Variants in TSEN2 observed in about 807,000 individuals in gnomAD.
The protein encoded by TSEN2 is tRNA splicing endonuclease subunit 2.
Under a neutral mutation model 59.2 loss-of-function variants are expected in TSEN2, and 54 were observed. That is an observed-to-expected ratio of 0.91 (90% confidence interval 0.73 to 1.14). The LOEUF is 1.14. Among genes scored for constraint, TSEN2 ranks in the 50% most tolerant of loss-of-function variants. The probability of loss-of-function intolerance (pLI) is 0.00; values close to 1 mark genes in which losing one functional copy is unlikely to be tolerated. For synonymous variants in TSEN2, 195 were observed against 198.2 expected (o/e 0.98, Z 0.14); for missense variants, 636 against 576.2 (o/e 1.10, Z -1.06).
chr3:12,536,672 G>T (rs1575491218), downstream of TSEN2, among the ~76,000 whole-genome samples: 1 of 152,024 alleles, frequency 6.6e-6, no homozygotes, highest in Non-Finnish European at 1.5e-5. Flanking sequence ...CCTTTATTAG[G>T]GGCAAAACCT....
chr3:12,505,831 T>C (rs2054766532), intron 6 of TSEN2, among the ~76,000 whole-genome samples: 1 of 149,086 alleles, frequency 6.7e-6, no homozygotes, highest in Non-Finnish European at 1.5e-5. Context: ...CTAGGTGTGA[T>C]GGCTTATGCC....
In TSEN2 at chr3:12,505,248, T is replaced by C. The variant is rs573682612; in HGVS notation, c.909+17T>C. 3.8e-4 allele frequency: 586 copies of C among 1,542,310 alleles called. 6 individuals are homozygous for C. In the South Asian group the frequency reaches 6.2e-3, roughly 16 times the overall value. On this transcript the variant is annotated intron_variant, in intron 6 of 11. Coordinates refer to ENST00000284995, the MANE Select transcript of TSEN2 (RefSeq NM_025265.4). Reference sequence around the variant, plus strand: ...CTAGAAGAGGTATGTTTTCAACATATTATTATTTCAGCCATCGGTCTCTGG... The same window carrying C: ...CTAGAAGAGGTATGTTTTCAACATACTATTATTTCAGCCATCGGTCTCTGG...
At chr3:12,519,238 A>C in intron 8 of TSEN2, 41 bp downstream of exon 8, 1 of 1,612,644 alleles carries the variant, frequency 6.2e-7, no homozygotes, top group South Asian at 1.1e-5. Flanking sequence ...AATAGAGTTT[A>C]TATCAGATTC....
intron 2 of TSEN2, 66 bp downstream of exon 2, chr3:12,490,055 C>A: frequency 1.4e-6 from 2 of 1,472,396 alleles, no homozygotes; most frequent in Non-Finnish European, 9.5e-7. Flanking sequence ...CTTTCCTTCT[C>A]CCCATCCCAG....
At chr3:12,488,679 G>A (rs1017666992) in intron 1 of TSEN2, among the ~76,000 whole-genome samples, 6 of 152,208 alleles carry the variant, frequency 3.9e-5, no homozygotes, top group African/African-American at 1.4e-4. Context: ...AGAGGGACAC[G>A]TACTGGCTTT....
chr3:12,500,746 G>A (rs1024551742), intron 4 of TSEN2, among the ~76,000 whole-genome samples: 1 of 152,196 alleles, frequency 6.6e-6, no homozygotes, highest in Non-Finnish European at 1.5e-5. Context: ...GGTAGGTGCA[G>A]TTATCCCTGG....
intron 1 of TSEN2, among the ~76,000 whole-genome samples, chr3:12,485,950 AAT>A (rs889468006): frequency 1.3e-5 from 2 of 150,242 alleles, no homozygotes; most frequent in Non-Finnish European, 2.9e-5. Flanking sequence ...GAAATTTAAA[AAT>A]ATATATATAT....
At chr3:12,496,493 A>G in intron 3 of TSEN2, 25 bp from the exon 4 acceptor site, 2 of 1,613,682 alleles carry the variant, frequency 1.2e-6, no homozygotes, top group Non-Finnish European at 1.7e-6. Flanking sequence ...ATTTGCCTGA[A>G]ACTAATAGAA....
In TSEN2 at chr3:12,533,414, G is replaced by C. The variant is rs2057582186; in HGVS notation, c.*693G>C. ...CCCATACCTATAATCCCAGCACTTG[G>C]GAGGCCTTGGGAGGCCAAGGCGCAT... is the stretch of plus-strand genomic sequence containing the variant. On this transcript the variant is annotated 3_prime_UTR_variant, in exon 12 of 12. Coordinates refer to ENST00000284995, the MANE Select transcript of TSEN2 (RefSeq NM_025265.4). 2 of 152,730 alleles carry C rather than the reference G, an allele frequency of 1.3e-5. No homozygotes were observed. The highest frequency in any genetic ancestry group is 2.9e-5 in the Non-Finnish European group (2 of 68,498). The allele number at this position is 152,730 out of a possible 1,614,324, so 9.5% of individuals were successfully genotyped here. A position where few individuals can be genotyped will look rare whatever the true frequency, so the allele number is the denominator to read the frequency against.
At chr3:12,537,823 G>A (rs2057710432), downstream of TSEN2, among the ~76,000 whole-genome samples, 1 of 152,168 alleles carries the variant, frequency 6.6e-6, no homozygotes, top group South Asian at 2.1e-4. Flanking sequence ...TGACAAGGAA[G>A]AATAAGTGTT....
intron 6 of TSEN2, among the ~76,000 whole-genome samples, chr3:12,507,905 A>G (rs1014564084): frequency 6.6e-5 from 10 of 152,216 alleles, no homozygotes; most frequent in Non-Finnish European, 1.3e-4. Context: ...ATGATAGCTG[A>G]GGATAGTAAA....
At chr3:12,491,283 T>C (rs2053188779) in intron 2 of TSEN2, among the ~76,000 whole-genome samples, 1 of 152,204 alleles carries the variant, frequency 6.6e-6, no homozygotes, top group Admixed American at 6.5e-5. Context: ...TGAGCCACCA[T>C]ACCTGGCCTC....
At chr3:12,523,839 C>T (rs1029499619) in intron 8 of TSEN2, among the ~76,000 whole-genome samples, 10 of 152,008 alleles carry the variant, frequency 6.6e-5, no homozygotes, top group Admixed American at 6.6e-5. Flanking sequence ...GGCATCCGGG[C>T]CTTTGATTCA....
intron 1 of TSEN2, among the ~76,000 whole-genome samples, chr3:12,488,283 G>A (rs1266093518): frequency 6.6e-6 from 1 of 152,182 alleles, no homozygotes; most frequent in African/African-American, 2.4e-5. Flanking sequence ...TCCCTTGTGA[G>A]GATTCGGAGT....
Position 12,531,616 on chromosome 3 carries a change from A to G in TSEN2, c.1295A>G (p.Lys432Arg), listed in dbSNP as rs1161971706. 2.5e-6 allele frequency: 4 copies of G among 1,613,474 alleles called. No homozygotes were observed. In the South Asian group the frequency reaches 3.3e-5, roughly 13 times the overall value. ...ATTAAACCCTCTACTATGACTGACAAGGAAATGGAGTCACCAGAATGTATG... is the reference window on the plus strand; with the variant it reads ...ATTAAACCCTCTACTATGACTGACAGGGAAATGGAGTCACCAGAATGTATG... ...YLIKPSTMTD[K>R]EMESPECMKR... The change falls in exon 11 of 12, where the codon AAG (lysine) becomes AGG (arginine). Residue 432 changes from lysine (K) to arginine (R), a missense_variant. By Grantham distance (26) the Lys-to-Arg change is conservative (BLOSUM62 2). Transcript: ENST00000284995.
At chr3:12,499,949 A>T (rs185091822) in intron 4 of TSEN2, among the ~76,000 whole-genome samples, 1 of 152,324 alleles carries the variant, frequency 6.6e-6, no homozygotes, top group East Asian at 1.9e-4. Context: ...AGGGGCATTC[A>T]TCAGTACAAC....
exon 11 of TSEN2, chr3:12,539,260 A>T: frequency 2.7e-6 from 1 of 374,754 alleles, no homozygotes; most frequent in South Asian, 1.9e-5. Context: ...CAGCCTCCTG[A>T]GTAGCTGGGA....
upstream of TSEN2, among the ~76,000 whole-genome samples, chr3:12,483,528 G>A (rs538890350): frequency 6.6e-6 from 1 of 152,320 alleles, no homozygotes; most frequent in Non-Finnish European, 1.5e-5. Flanking sequence ...CCTAAAGGCT[G>A]ACCAGGAATT....
intron 2 of TSEN2, 144 bp downstream of exon 2, chr3:12,490,133 A>C: frequency 2.3e-6 from 2 of 867,104 alleles, no homozygotes; most frequent in Admixed American, 1.9e-5. Flanking sequence ...TTGTAGGAAA[A>C]GTACAATTTG....
Sources: allele counts gnomAD v4.1 joint callset (sites outside exome capture counted in the v4.1 genomes callset), GRCh38; gene constraint gnomAD v4.1.1; transcripts MANE v1.5; gene names NCBI Gene and HGNC (gene_info 2026-07-23, HGNC 2026-07-21).